Variants in NOL6 observed in about 807,000 individuals in gnomAD.
NOL6 encodes the protein nucleolar protein 6.
In NOL6, 33 loss-of-function variants were observed where a neutral mutation model predicts 131.7. The observed-to-expected ratio is 0.25, with a 90% confidence interval of 0.19 to 0.33. NOL6 has a LOEUF of 0.33. NOL6 is among the 10% of genes least tolerant of loss of function. The pLI is 1.00. For missense variants in NOL6, 1,297 were observed against 1,494.5 expected (o/e 0.87, Z 2.18); for synonymous variants, 580 against 605.7 (o/e 0.96, Z 0.62).
intron 3 of NOL6, among the ~76,000 whole-genome samples, chr9:33,471,511 T>A (rs1309439026): frequency 6.6e-6 from 1 of 152,204 alleles, no homozygotes; most frequent in Non-Finnish European, 1.5e-5. Context: ...TACTGGCTGT[T>A]CCCCCTTCCT....
Position 33,462,723 on chromosome 9 carries a change from C to G in NOL6, c.3382G>C (p.Val1128Leu), listed in dbSNP as rs1827130654. Residue 1128 changes from valine to leucine, a missense_variant, in exon 26 of 26, where the codon GTG becomes CTG. Physicochemically the swap from Val to Leu is conservative, Grantham distance 32. Coordinates refer to ENST00000297990, the MANE Select transcript of NOL6 (RefSeq NM_022917.5). ...NVEAILEDFAVLGEGLVQTVE... is the reference protein window; with the variant it reads ...NVEAILEDFALLGEGLVQTVE... Reference sequence around the variant, plus strand: ...GTCTGCACCAGGCCTTCACCCAGCACAGCAAAGTCCTCCAGGATTGCTTCA... The same window carrying G: ...GTCTGCACCAGGCCTTCACCCAGCAGAGCAAAGTCCTCCAGGATTGCTTCA... 3 of 1,614,184 alleles carry G rather than the reference C, an allele frequency of 1.9e-6. No homozygotes were observed. The Admixed American group carries it at 5.0e-5, about 27-fold the overall frequency.
chr9:33,465,854 G>A lies in NOL6; in HGVS notation c.2408C>T (p.Pro803Leu), dbSNP rs767961635. ...GCTCTGCACCTCCTTCAGGATCTGGGGCTCCCGCTGATAGGCCACGCGAAT... is the reference window on the plus strand; with the variant it reads ...GCTCTGCACCTCCTTCAGGATCTGGAGCTCCCGCTGATAGGCCACGCGAAT... The part of the protein sequence containing the change: ...FRIRVAYQRE[P>L]QILKEVQSPE... The change falls in exon 19 of 26, where the codon CCC becomes CTC. Residue 803 changes from proline to leucine, a missense_variant. By Grantham distance (98) the Pro-to-Leu change is moderately conservative. Coordinates refer to ENST00000297990, the MANE Select transcript of NOL6 (RefSeq NM_022917.5). The A allele has an allele frequency of 2.5e-6, 4 of 1,614,092 alleles. No homozygotes were observed. The highest frequency in any genetic ancestry group is 1.7e-5 in the Admixed American group (1 of 60,022).
chr9:33,471,398 T>C (rs946310666), intron 3 of NOL6, among the ~76,000 whole-genome samples: 3 of 152,262 alleles, frequency 2.0e-5, no homozygotes, highest in African/African-American at 7.2e-5. Context: ...ATGCCCTGCA[T>C]GATATGCTAC....
chr9:33,473,423 G>A (rs1338227175), intron 1 of NOL6, among the ~76,000 whole-genome samples: 1 of 152,190 alleles, frequency 6.6e-6, no homozygotes, highest in Non-Finnish European at 1.5e-5. Flanking sequence ...CTCCAGGAGA[G>A]GCACCGTATG....
intron 23 of NOL6, among the ~76,000 whole-genome samples, 153 bp downstream of exon 23, chr9:33,463,678 C>T (rs1827162345): frequency 6.6e-6 from 1 of 152,228 alleles, no homozygotes; most frequent in South Asian, 2.1e-4. Context: ...GTTCCCCAGG[C>T]TCTGCCACCC....
rs1375203653 is a variant in NOL6, at chr9:33,465,755, A to G, written c.2507T>C (p.Leu836Pro). The G allele has an allele frequency of 1.9e-6, 3 of 1,613,268 alleles. No homozygotes were observed. The highest frequency in any genetic ancestry group is 2.5e-6 in the Non-Finnish European group (3 of 1,179,726). The change falls in exon 19 of 26, where the codon CTG becomes CCG. Residue 836 changes from leucine (L) to proline (P), a missense_variant. Coordinates refer to ENST00000297990, the MANE Select transcript of NOL6 (RefSeq NM_022917.5). ...TTACCCGTGCAGGGCACTGGTGAGCAGTGGCAACTGCCTTGTGTCTCTCTC... is the reference window on the plus strand; with the variant it reads ...TTACCCGTGCAGGGCACTGGTGAGCGGTGGCAACTGCCTTGTGTCTCTCTC... ...RLERDTRQLP[L>P]LTSALHGLQQ...
In NOL6 at chr9:33,469,637, G is replaced by C; in HGVS notation, c.589C>G (p.Gln197Glu). ...EILQDKDGLN[Q>E]RYFRKRALYL... ...AGGGCACGCTTGCGGAAGTAGCGCT[G>C]GTTCAGCCCGTCCTTGTCCTGTAGG... The change falls in exon 5 of 26, where the codon CAG (glutamine) becomes GAG (glutamate). Residue 197 changes from glutamine (Q) to glutamate (E), a missense_variant. Physicochemically the swap from Gln to Glu is conservative, Grantham distance 29. Coordinates refer to ENST00000297990, the MANE Select transcript of NOL6 (RefSeq NM_022917.5). 2 of 1,613,062 alleles carry C rather than the reference G, an allele frequency of 1.2e-6. No individual in the cohort carries two copies.
Position 33,469,630 on chromosome 9 carries a change from T to G in NOL6, c.596A>C (p.Tyr199Ser). 6.2e-7 allele frequency: 1 copy of G among 1,612,806 alleles called. No individual in the cohort carries two copies. Among genetic ancestry groups the G allele is most frequent in the Non-Finnish European group, 8.5e-7 (1 of 1,179,598 alleles). The change falls in exon 5 of 26, where the codon TAC becomes TCC. Residue 199 changes from tyrosine to serine, a missense_variant. Coordinates refer to ENST00000297990, the MANE Select transcript of NOL6 (RefSeq NM_022917.5). ...CAGGTAGAGGGCACGCTTGCGGAAG[T>G]AGCGCTGGTTCAGCCCGTCCTTGTC... ...LQDKDGLNQR[Y>S]FRKRALYLAH...
chr9:33,467,584 AGCTAGCTAGAAAC>A lies in NOL6; in HGVS notation c.1603-81_1603-69del, dbSNP rs1728284059. 6.3e-7 allele frequency: 1 copy of A among 1,593,644 alleles called. No homozygotes were observed. Among genetic ancestry groups the A allele is most frequent in the African/African-American group, 1.3e-5 (1 of 74,246 alleles). The stretch of plus-strand genomic sequence containing the variant: ...AGCCTGGCCTAGAAACCTACTTTCT[AGCTAGCTAGAAAC>A]GCCTAGCTGGAGGAATGGTGTGTCC... On this transcript the variant is annotated intron_variant, in intron 12 of 25. Transcript: ENST00000297990. The surrounding 1 kb of genome is among the most constrained non-coding windows in gnomAD (Gnocchi z 4.4).
intron 3 of NOL6, chr9:33,470,621 C>G (rs1827384547): frequency 6.6e-6 from 1 of 152,298 alleles, no homozygotes; most frequent in Admixed American, 6.5e-5. Context: ...GAAGGCGGAG[C>G]ATGCAGTGAG....
Position 33,470,153 on chromosome 9 carries a change from C to T in NOL6, c.417G>A (p.Val139=), listed in dbSNP as rs776646381. The T allele has an allele frequency of 6.2e-7, 1 of 1,601,924 alleles. No individual in the cohort carries two copies. The highest frequency in any genetic ancestry group is 8.5e-7 in the Non-Finnish European group (1 of 1,171,674). The stretch of plus-strand genomic sequence containing the variant: ...CGGCATAGGGCACTTGGTGGAGGGG[C>T]ACTCGAACCCCAGCTGGGAGCCATG... ...DQAWLPAGVR[V]PLHQVPYAVK... The change falls in exon 4 of 26, where the codon GTG becomes GTA. Residue 139 remains valine, a synonymous_variant. Transcript: ENST00000297990.
chr9:33,467,855 T>G lies in NOL6; in HGVS notation c.1438A>C (p.Ser480Arg). 2 of 1,591,196 alleles carry G rather than the reference T, an allele frequency of 1.3e-6. No homozygotes were observed. The highest frequency in any genetic ancestry group is 8.6e-7 in the Non-Finnish European group (1 of 1,168,124). ...FDHVLHLRPL[S>R]RLQAACHRLK... ...CGGTGGCACGCTGCCTGCAGGCGAC[T>G]CAGTGGACGGAGACTGGAGGGGTAC... The change falls in exon 12 of 26, where the codon AGT becomes CGT. Residue 480 changes from serine (S) to arginine (R), a missense_variant. Ser to Arg is a moderately radical substitution (Grantham distance 110). Transcript: ENST00000297990. This position sits in a 1 kb window ranked among gnomAD's most constrained non-coding sequence, Gnocchi z 4.4.
At position 33,463,325 on chromosome 9, in the gene NOL6, C is replaced by G. The variant is rs372907469; in HGVS notation, c.3111G>C (p.Leu1037=). ...GGGATGAGGGCCCCGGCTGGCTGAG[C>G]AGGCCCCGGCAGAAGGAGGCAGCTG... ...DSPAASFCRG[L]LSQPGPSSLM... The change falls in exon 24 of 26, where the codon CTG becomes CTC. Residue 1037 remains leucine, a synonymous_variant. Coordinates refer to ENST00000297990, the MANE Select transcript of NOL6 (RefSeq NM_022917.5). 1.3e-4 allele frequency: 204 copies of G among 1,614,070 alleles called. No individual in the cohort carries two copies. The highest frequency in any genetic ancestry group is 1.5e-4 in the Non-Finnish European group (177 of 1,179,984).
At chr9:33,464,240 GCCC>G in intron 21 of NOL6, 79 bp from the exon 22 acceptor site, 1 of 1,474,004 alleles carries the variant, frequency 6.8e-7, no homozygotes, top group Non-Finnish European at 9.1e-7. Context: ...CTCCTACGGT[GCCC>G]CCAACGGCTG....
In NOL6 at chr9:33,463,423, A is replaced by G; in HGVS notation, c.3013T>C (p.Leu1005=). Residue 1005 remains leucine (L), a synonymous_variant, in exon 24 of 26, where the codon TTG becomes CTG. Transcript: ENST00000297990. ...GDIRTVFRPP[L]DIYDVLIRLS... ...CGAATCAGCACGTCGTAAATGTCCA[A>G]GGGCGGCCGGAACACTGTCTAAGGA... 3 of 1,612,534 alleles carry G rather than the reference A, an allele frequency of 1.9e-6. No individual in the cohort carries two copies. The highest frequency in any genetic ancestry group is 2.5e-6 in the Non-Finnish European group (3 of 1,179,070).
At chr9:33,462,888 TG>T in intron 25 of NOL6, 75 bp from the exon 26 acceptor site, 1 of 1,583,188 alleles carries the variant, frequency 6.3e-7, no homozygotes, top group Non-Finnish European at 8.6e-7. Context: ...GGGTACAGAG[TG>T]GGGGTGGTGG....
In NOL6 at chr9:33,469,108, A is replaced by T. The variant is rs143813125; in HGVS notation, c.876T>A (p.Pro292=). 4.3e-6 allele frequency: 7 copies of T among 1,614,090 alleles called. No homozygotes were observed. Among genetic ancestry groups the T allele is most frequent in the Non-Finnish European group, 5.9e-6 (7 of 1,180,018 alleles). ...CCCATGTGTTATAGCGGGGGGTAGG[A>T]GGCTCTGGGCTACCTGTGGGATGAA... ...QSPAGDGSPE[P]PTPRYNTWVL... The change falls in exon 7 of 26, where the codon CCT becomes CCA. Residue 292 remains proline, a synonymous_variant. Transcript: ENST00000297990.
chr9:33,463,693 C>T, intron 23 of NOL6, 138 bp downstream of exon 23: 1 of 946,138 alleles, frequency 1.1e-6, no homozygotes, highest in Non-Finnish European at 1.6e-6. Flanking sequence ...CCACCCCAGG[C>T]ACCACAGCAG....
intron 19 of NOL6, 63 bp downstream of exon 19, chr9:33,465,671 G>A: frequency 6.5e-7 from 1 of 1,537,076 alleles, no homozygotes; most frequent in Admixed American, 1.9e-5. Context: ...CAGGTGGCTA[G>A]GTGAGGAGAA....
Sources: allele counts gnomAD v4.1 joint callset (sites outside exome capture counted in the v4.1 genomes callset), GRCh38; gene constraint gnomAD v4.1.1; non-coding constraint Gnocchi (gnomAD v3.1); transcripts MANE v1.5; gene names NCBI Gene and HGNC (gene_info 2026-07-23, HGNC 2026-07-21).